The following DTD1 variants were observed in gnomAD, a reference collection of about 807,000 sequenced individuals.
DTD1 encodes D-aminoacyl-tRNA deacylase 1.
In DTD1, 13 loss-of-function variants were observed where a neutral mutation model predicts 25.6. The observed-to-expected ratio is 0.51, with a 90% CI of 0.33 to 0.81. The LOEUF is 0.81. DTD1 is among the 30% of genes least tolerant of loss of function. DTD1 has a pLI of 0.02. For synonymous variants in DTD1, 110 were observed against 103.6 expected, an observed-to-expected ratio of 1.06 and a Z score of -0.37; for missense variants, 193 against 266.4, an observed-to-expected ratio of 0.72 and a Z score of 1.92.
At chr20:18,616,914 A>G (rs961889110) in intron 3 of DTD1, among the ~76,000 whole-genome samples, 1 of 152,214 alleles carries the variant, frequency 6.6e-6, no homozygotes, top group African/African-American at 2.4e-5. Context: ...ATTTTGTGCA[A>G]TGAATGCCTC....
In DTD1 at chr20:18,744,258, G is replaced by A; in HGVS notation, c.*6G>A. The A allele has an allele frequency of 6.2e-7, 1 of 1,611,312 alleles. No homozygotes were observed. The highest frequency in any genetic ancestry group is 1.3e-5 in the African/African-American group (1 of 74,928). On this transcript the variant is annotated 3_prime_UTR_variant, in exon 5 of 6. Transcript: ENST00000377452. ...CCTCTGAACGGGAGCCGTAGCTCAG[G>A]AGGCAGAATTCAGGTAGGAGTTTCC...
At chr20:18,726,901 T>TG (rs11481880) in intron 4 of DTD1, among the ~76,000 whole-genome samples, 49,587 of 152,170 alleles carry the variant, frequency 0.33, 8,467 homozygotes, top group Non-Finnish European at 0.38. Flanking sequence ...TCCTTGGAGC[T>TG]GACTTTATCT....
intron 3 of DTD1, among the ~76,000 whole-genome samples, chr20:18,613,123 C>T (rs1480505314): frequency 2.0e-5 from 3 of 152,162 alleles, no homozygotes; most frequent in Non-Finnish European, 4.4e-5. Context: ...GCAGGATGTT[C>T]ATCCAGGATT....
At chr20:18,597,575 G>A (rs1388333226) in intron 3 of DTD1, among the ~76,000 whole-genome samples, 2 of 152,000 alleles carry the variant, frequency 1.3e-5, no homozygotes, top group Non-Finnish European at 1.5e-5. Flanking sequence ...TCTACTTTCC[G>A]TCTCTTTAGA....
At chr20:18,627,360 A>G (rs1202494419) in intron 3 of DTD1, among the ~76,000 whole-genome samples, 1 of 152,220 alleles carries the variant, frequency 6.6e-6, no homozygotes, top group East Asian at 1.9e-4. Context: ...CCTGTGCCGC[A>G]GTAGCCCAAA....
chr20:18,631,897 A>G (rs1056144781), intron 4 of DTD1: 4 of 984,824 alleles, frequency 4.1e-6, no homozygotes, highest in East Asian at 2.3e-4. Flanking sequence ...CTTTCTTTCA[A>G]CCAGTACCCT....
At chr20:18,653,174 GGC>G in intron 4 of DTD1, among the ~76,000 whole-genome samples, 1 of 152,292 alleles carries the variant, frequency 6.6e-6, no homozygotes, top group African/African-American at 2.4e-5. Context: ...AGCTGAGGTG[GGC>G]ATATTGCTTG....
intron 5 of DTD1, among the ~76,000 whole-genome samples, chr20:18,750,219 C>T (rs79472431): frequency 0.13 from 20,060 of 152,078 alleles, 1,643 homozygotes; most frequent in Non-Finnish European, 0.18. Context: ...TTTTGTTGCC[C>T]GTGGGTTTTG....
intron 3 of DTD1, among the ~76,000 whole-genome samples, chr20:18,626,116 T>C (rs2060756599): frequency 6.6e-6 from 1 of 152,236 alleles, no homozygotes; most frequent in South Asian, 2.1e-4. Flanking sequence ...GTGGTAGGCA[T>C]GACAATAGTA....
chr20:18,714,105 CATT>C (rs985480046), intron 4 of DTD1, among the ~76,000 whole-genome samples: 2 of 152,214 alleles, frequency 1.3e-5, no homozygotes, highest in African/African-American at 4.8e-5. Flanking sequence ...CCTTCCTCAT[CATT>C]GTTAGAGTCA....
At chr20:18,723,737 A>G (rs1331446745) in intron 4 of DTD1, among the ~76,000 whole-genome samples, 3 of 152,246 alleles carry the variant, frequency 2.0e-5, no homozygotes, top group Admixed American at 1.3e-4. Context: ...CTGCAGCTCC[A>G]TTGTAGAGGA....
At chr20:18,702,547 G>C (rs1804147745) in intron 4 of DTD1, among the ~76,000 whole-genome samples, 1 of 152,146 alleles carries the variant, frequency 6.6e-6, no homozygotes, top group Non-Finnish European at 1.5e-5. Flanking sequence ...ATCTACTGCA[G>C]ATCAGATTTA....
Position 18,651,542 on chromosome 20 carries a change from G to A in DTD1, c.477+23309G>A, listed in dbSNP as rs144737471. Among the ~76,000 whole-genome samples the A allele has an allele frequency of 4.1e-3, 618 of 152,326 alleles. 2 individuals carry two copies. Among genetic ancestry groups the A allele is most frequent in the African/African-American group, 0.014 (565 of 41,562 alleles). On this transcript the variant is annotated intron_variant, in intron 4 of 5. Transcript: ENST00000377452. ...CCTCCAGTATATTCTGATAAAGAGAGGATTTGTCTTAACGCTCTCATGACT... is the reference window on the plus strand; with the variant it reads ...CCTCCAGTATATTCTGATAAAGAGAAGATTTGTCTTAACGCTCTCATGACT...
chr20:18,649,547 C>T (rs1197635038), intron 4 of DTD1, among the ~76,000 whole-genome samples: 1 of 151,768 alleles, frequency 6.6e-6, no homozygotes, highest in Non-Finnish European at 1.5e-5. Flanking sequence ...CTGTGTTAGC[C>T]AGGATGGTCT....
chr20:18,670,523 T>C lies in DTD1; in HGVS notation c.477+42290T>C, dbSNP rs182415737. 6.0e-4 allele frequency among the ~76,000 whole-genome samples: 91 copies of C among 152,348 alleles called. 1 individual carries two copies. The highest frequency in any genetic ancestry group is 3.4e-3 in the Middle Eastern group (1 of 294). On this transcript the variant is annotated intron_variant, in intron 4 of 5. Coordinates refer to ENST00000377452, the MANE Select transcript of DTD1 (RefSeq NM_080820.6). ...CAAGAGCTCATCTCTTGTTCTGCAA[T>C]TAAATTATCAACTTCTTAAGGCAAG...
At chr20:18,734,389 G>A (rs1386257099) in intron 4 of DTD1, among the ~76,000 whole-genome samples, 1 of 152,220 alleles carries the variant, frequency 6.6e-6, no homozygotes, top group Non-Finnish European at 1.5e-5. Flanking sequence ...CTGGCCAGTG[G>A]TGATGTCCTC....
intron 4 of DTD1, among the ~76,000 whole-genome samples, chr20:18,679,357 T>G (rs1253468361): frequency 6.6e-6 from 1 of 152,236 alleles, no homozygotes; most frequent in Admixed American, 6.5e-5. Context: ...CCCACCTTAT[T>G]ATAGTCTGAG....
At chr20:18,748,749 T>TAGGTAA (rs2061310292) in intron 5 of DTD1, among the ~76,000 whole-genome samples, 1 of 152,228 alleles carries the variant, frequency 6.6e-6, no homozygotes, top group East Asian at 1.9e-4. Context: ...GGTATCTACT[T>TAGGTAA]CTTGCTTCTC....
chr20:18,731,140 G>A lies in DTD1; in HGVS notation c.478-12960G>A, dbSNP rs890450849. 4.6e-5 allele frequency among the ~76,000 whole-genome samples: 7 copies of A among 152,264 alleles called. 1 individual carries two copies. The East Asian group carries it at 5.8e-4, about 13-fold the overall frequency. ...CCTTCCCTTATGTACTGAGCCTTTCGTTAGCTGATGGGATGAAGGATTGTA... is the reference window on the plus strand; with the variant it reads ...CCTTCCCTTATGTACTGAGCCTTTCATTAGCTGATGGGATGAAGGATTGTA... On this transcript the variant is annotated intron_variant, in intron 4 of 5. Transcript: ENST00000377452.
Sources: gnomAD v4.1 joint callset for allele counts (sites outside exome capture counted in the v4.1 genomes callset) on GRCh38, gnomAD v4.1.1 for gene constraint, MANE v1.5 for transcripts, NCBI Gene and HGNC (gene_info 2026-07-23, HGNC 2026-07-21) for gene names.